Variants in NTRK1 observed in about 807,000 individuals in gnomAD.
The protein encoded by NTRK1 is high affinity nerve growth factor receptor.
NTRK1 carries 62 observed loss-of-function variants against 86.8 expected under a neutral mutation model. The ratio of observed to expected loss-of-function variants is 0.71; its 90% CI spans 0.58 to 0.88. The LOEUF is 0.88. NTRK1 is among the 40% of genes least tolerant of loss of function. The pLI is 0.00. For missense variants in NTRK1, 967 were observed against 1,078.4 expected (o/e 0.90, Z 1.45); for synonymous variants, 469 against 456.6 (o/e 1.03, Z -0.35).
In NTRK1 at chr1:156,844,213, G is replaced by A. The variant is rs1391437469; in HGVS notation, c.50+2020G>A. ...AGAAGAAACCAAGGGCAGCAAGAAC[G>A]ATGAGCAGCGTGAGCCCCACAGGGG... On this transcript the variant is annotated intron_variant, in intron 2 of 16. Coordinates refer to the NTRK1 transcript ENST00000392302. 10 of 1,613,838 alleles carry A rather than the reference G, an allele frequency of 6.2e-6. 1 individual carries two copies. Among genetic ancestry groups the A allele is most frequent in the South Asian group, 3.3e-5 (3 of 91,074 alleles).
At chr1:156,866,656 C>T (rs1655945224) in intron 3 of NTRK1, among the ~76,000 whole-genome samples, 3 of 152,140 alleles carry the variant, frequency 2.0e-5, no homozygotes, top group Admixed American at 1.3e-4. Flanking sequence ...AGATCCCCCT[C>T]CCTGGGGTCT....
intron 14 of NTRK1, among the ~76,000 whole-genome samples, chr1:156,877,370 T>C (rs1239056735): frequency 6.6e-6 from 1 of 152,276 alleles, no homozygotes; most frequent in Non-Finnish European, 1.5e-5. Flanking sequence ...CTATTTGTGC[T>C]GATAATTTTA....
chr1:156,835,875 C>G lies in NTRK1; in HGVS notation c.-63-6206C>G, dbSNP rs148632318. ...AAAAGAGGTACCCCTGCCTCCTTCA[C>G]ACCTGTGCCTCCCATGCCCCAGAAG... On this transcript the variant is annotated intron_variant, in intron 1 of 16. Coordinates refer to the NTRK1 transcript ENST00000392302. Among the ~76,000 whole-genome samples, 1,139 of 152,370 alleles carry G rather than the reference C, an allele frequency of 7.5e-3. 14 individuals are homozygous for G. Among genetic ancestry groups the G allele is most frequent in the African/African-American group, 0.026 (1,098 of 41,582 alleles).
intron 1 of NTRK1, among the ~76,000 whole-genome samples, chr1:156,820,573 T>C (rs1439684824): frequency 1.3e-5 from 2 of 152,230 alleles, no homozygotes; most frequent in Non-Finnish European, 2.9e-5. Flanking sequence ...TTGTATGCTT[T>C]GTCAAAGATC....
chr1:156,844,117 C>A, intron 2 of NTRK1: 1 of 1,297,544 alleles, frequency 7.7e-7, no homozygotes, highest in Non-Finnish European at 1.1e-6. Context: ...CTTTGACAGA[C>A]TTTATGATGA....
intron 2 of NTRK1, chr1:156,845,934 C>T (rs372198382): frequency 1.9e-4 from 302 of 1,607,502 alleles, no homozygotes; most frequent in Non-Finnish European, 2.4e-4. Flanking sequence ...GGCCGGCCTG[C>T]GCGTCGTCCC....
intron 1 of NTRK1, among the ~76,000 whole-genome samples, chr1:156,838,963 C>G (rs938851192): frequency 6.6e-5 from 10 of 152,248 alleles, no homozygotes; most frequent in African/African-American, 7.2e-5. Flanking sequence ...CGTGGAGTCT[C>G]TCTACCCTTT....
chr1:156,854,195 C>T lies in NTRK1; in HGVS notation c.51-10159C>T, dbSNP rs754913445. The T allele has an allele frequency of 6.2e-7, 1 of 1,614,088 alleles. No individual in the cohort carries two copies. Among genetic ancestry groups the T allele is most frequent in the African/African-American group, 1.3e-5 (1 of 75,064 alleles). On this transcript the variant is annotated intron_variant, in intron 2 of 16. Coordinates refer to the NTRK1 transcript ENST00000392302. The surrounding 1 kb of genome is among the most constrained non-coding windows in gnomAD (Gnocchi z 4.2). ...GAAGCTGAGGCCGCGGAAGTCCTCCCCGGTGGCTGTGAACATGAGCAGGAT... is the reference window on the plus strand; with the variant it reads ...GAAGCTGAGGCCGCGGAAGTCCTCCTCGGTGGCTGTGAACATGAGCAGGAT...
At chr1:156,864,981 TG>T (rs1571685935) in intron 3 of NTRK1, 182 bp downstream of exon 3, 2 of 669,726 alleles carry the variant, frequency 3.0e-6, no homozygotes, top group African/African-American at 3.5e-5. Context: ...CTCTCGCCCC[TG>T]ACAGCTAGAG....
upstream of NTRK1, chr1:156,858,885 GTGACAGGGAGAGTC>G (rs1468685316): frequency 1.3e-4 from 64 of 502,096 alleles, no homozygotes; most frequent in South Asian, 1.3e-3. Flanking sequence ...GATGCAGACA[GTGACAGGGAGAGTC>G]TCGGGCCTCC....
intron 1 of NTRK1, chr1:156,816,171 G>A: frequency 6.6e-7 from 1 of 1,514,066 alleles, no homozygotes; most frequent in Non-Finnish European, 8.8e-7. Flanking sequence ...CCTCCTCCCA[G>A]GCTCAGGGGA....
chr1:156,853,264 A>T (rs139751185), intron 2 of NTRK1, among the ~76,000 whole-genome samples: 1 of 152,282 alleles, frequency 6.6e-6, no homozygotes, highest in East Asian at 1.9e-4. Flanking sequence ...GATTAGGAAC[A>T]TAGAACTGCT....
intron 11 of NTRK1, 110 bp downstream of exon 11, chr1:156,875,118 G>A (rs2102913076): frequency 2.4e-6 from 2 of 822,568 alleles, no homozygotes; most frequent in South Asian, 1.4e-5. Flanking sequence ...GAGTTCCAGG[G>A]CGTGTGAGTG....
At chr1:156,856,110 T>C (rs1045334554), upstream of NTRK1, among the ~76,000 whole-genome samples, 4 of 152,120 alleles carry the variant, frequency 2.6e-5, no homozygotes, top group Non-Finnish European at 4.4e-5. Flanking sequence ...TGCGTGGCCA[T>C]ATATTTATTT....
At position 156,838,089 on chromosome 1, in the gene NTRK1, G is replaced by A. The variant is rs116780513; in HGVS notation, c.-63-3992G>A. On this transcript the variant is annotated intron_variant, in intron 1 of 16. Coordinates refer to the NTRK1 transcript ENST00000392302. ...AGAGGAACCTCATCCTGCTGCCACC[G>A]AGGCCTGGCTTAGTGGCACAGCTCA... 4.4e-3 allele frequency among the ~76,000 whole-genome samples: 677 copies of A among 152,162 alleles called. 2 individuals carry two copies. The highest frequency in any genetic ancestry group is 0.016 in the African/African-American group (656 of 41,500).
chr1:156,855,352 C>T (rs1005552588), intron 2 of NTRK1, among the ~76,000 whole-genome samples: 4 of 152,034 alleles, frequency 2.6e-5, no homozygotes, highest in Admixed American at 2.0e-4. Flanking sequence ...TACAGGTGCC[C>T]GCCGCCATAC....
Position 156,868,095 on chromosome 1 carries a change from G to T in NTRK1, c.429-9G>T. On this transcript the variant is annotated splice_polypyrimidine_tract_variant and intron_variant, in intron 4 of 16. Coordinates refer to ENST00000524377, the MANE Select transcript of NTRK1 (RefSeq NM_002529.4). ...CCTTGACTCTGTTGGTGTCCCCCAT[G>T]CCCCCCAGGGTCCTGTCGGGGAACC... The T allele has an allele frequency of 1.9e-6, 3 of 1,613,664 alleles. No homozygotes were observed. The highest frequency in any genetic ancestry group is 2.2e-5 in the East Asian group (1 of 44,870).
chr1:156,820,683 A>G (rs767539382), intron 1 of NTRK1, among the ~76,000 whole-genome samples: 3 of 152,252 alleles, frequency 2.0e-5, no homozygotes, highest in East Asian at 1.9e-4. Context: ...TTTGATAACT[A>G]TAGCCTTGTA....
At chr1:156,819,809 A>G (rs1654134641) in intron 1 of NTRK1, among the ~76,000 whole-genome samples, 1 of 152,134 alleles carries the variant, frequency 6.6e-6, no homozygotes, top group Non-Finnish European at 1.5e-5. Context: ...ATGAGCCATC[A>G]TGCCTGGCCT....
Sources: gnomAD v4.1 joint callset for allele counts (sites outside exome capture counted in the v4.1 genomes callset) on GRCh38, gnomAD v4.1.1 for gene constraint, Gnocchi (gnomAD v3.1) non-coding constraint, MANE v1.5 for transcripts, NCBI Gene and HGNC (gene_info 2026-07-23, HGNC 2026-07-21) for gene names.